The following MAP2K5 variants were observed in gnomAD, a reference collection of about 807,000 sequenced individuals.
MAP2K5 encodes the protein dual specificity mitogen-activated protein kinase kinase 5.
MAP2K5 carries 49 observed loss-of-function variants against 83.1 expected under a neutral mutation model. The ratio of observed to expected loss-of-function variants is 0.59; its 90% CI spans 0.47 to 0.75. MAP2K5 has a LOEUF of 0.75. Ranked by LOEUF, MAP2K5 falls within the 30% of genes least tolerant of loss-of-function variation. The pLI is 0.00. For synonymous variants in MAP2K5, 202 were observed against 191.8 expected (o/e 1.05, Z -0.44); for missense variants, 457 against 557.5 (o/e 0.82, Z 1.82).
Position 67,563,285 on chromosome 15 carries a change from G to A in MAP2K5, c.187G>A (p.Glu63Lys). Residue 63 changes from glutamate (E) to lysine (K), a missense_variant and splice_region_variant, in exon 3 of 22, where the codon GAA becomes AAA. This residue lies in a region of MAP2K5 where 234 missense variants were observed against 243.6 expected (regional missense o/e 0.96). Coordinates refer to ENST00000178640, the MANE Select transcript of MAP2K5 (RefSeq NM_145160.3). The surrounding 1 kb of genome is among the most constrained non-coding windows in gnomAD (Gnocchi z 4.5). ...TTGCATTATGTGCTTTTAAACAGAT[G>A]AAGATGAAGATGGTGATCGAATTAC... ...PEATTTAFEYEDEDGDRITVR... is the reference protein window; with the variant it reads ...PEATTTAFEYKDEDGDRITVR... The A allele has an allele frequency of 1.9e-6, 3 of 1,610,364 alleles. No individual in the cohort carries two copies. The highest frequency in any genetic ancestry group is 2.5e-6 in the Non-Finnish European group (3 of 1,178,588).
chr15:67,687,035 C>T (rs901776738), intron 13 of MAP2K5, among the ~76,000 whole-genome samples: 2 of 152,064 alleles, frequency 1.3e-5, no homozygotes, highest in Admixed American at 6.6e-5. Flanking sequence ...GTATCTTGAT[C>T]ATGGTGTGGT....
chr15:67,789,427 T>C (rs2090475734), intron 21 of MAP2K5, among the ~76,000 whole-genome samples: 1 of 152,206 alleles, frequency 6.6e-6, no homozygotes, highest in Non-Finnish European at 1.5e-5. Flanking sequence ...GGCAAAATGG[T>C]ATCTAGTTGG....
In MAP2K5 at chr15:67,738,088, G is replaced by A. The variant is rs1255057191; in HGVS notation, c.1074+10143G>A. 2.0e-5 allele frequency among the ~76,000 whole-genome samples: 3 copies of A among 152,068 alleles called. No homozygotes were observed. Among genetic ancestry groups the A allele is most frequent in the African/African-American group, 7.2e-5 (3 of 41,412 alleles). On this transcript the variant is annotated intron_variant, in intron 17 of 21. Coordinates refer to ENST00000178640, the MANE Select transcript of MAP2K5 (RefSeq NM_145160.3). This position sits in a 1 kb window ranked among gnomAD's most constrained non-coding sequence, Gnocchi z 4.1. ...GCTGGTCTCGAACTCCCGACCTCAG[G>A]TGACCTGCCTGCCTCAGCCTCCCAG...
intron 16 of MAP2K5, among the ~76,000 whole-genome samples, chr15:67,709,805 C>T (rs1166903324): frequency 1.3e-5 from 2 of 152,172 alleles, no homozygotes; most frequent in African/African-American, 4.8e-5. Context: ...AAAAATAAGT[C>T]AACATACATT....
chr15:67,804,532 G>A (rs980916329), intron 21 of MAP2K5, among the ~76,000 whole-genome samples: 1 of 152,236 alleles, frequency 6.6e-6, no homozygotes, highest in Non-Finnish European at 1.5e-5. Flanking sequence ...CTCGCCTACC[G>A]GGGCACTTGG....
intron 12 of MAP2K5, among the ~76,000 whole-genome samples, chr15:67,659,788 A>C (rs2087191878): frequency 6.6e-6 from 1 of 152,148 alleles, no homozygotes; most frequent in Non-Finnish European, 1.5e-5. Context: ...TTATCTATGG[A>C]ACTTGGCAAA....
intron 1 of MAP2K5, among the ~76,000 whole-genome samples, chr15:67,545,523 A>G (rs994861486): frequency 2.6e-5 from 4 of 152,218 alleles, no homozygotes; most frequent in Non-Finnish European, 5.9e-5. Flanking sequence ...CCTTCCTCAA[A>G]GACTTGGAAA....
intron 16 of MAP2K5, among the ~76,000 whole-genome samples, chr15:67,705,224 T>C (rs1421986251): frequency 1.3e-5 from 2 of 152,218 alleles, no homozygotes; most frequent in Non-Finnish European, 2.9e-5. Flanking sequence ...AAATGTTCAC[T>C]ATTCATCCTT....
intron 21 of MAP2K5, among the ~76,000 whole-genome samples, chr15:67,796,057 G>A (rs1388124518): frequency 6.6e-6 from 1 of 151,870 alleles, no homozygotes; most frequent in Non-Finnish European, 1.5e-5. Context: ...TGCTATGTTT[G>A]ATTATCCTTT....
In MAP2K5 at chr15:67,652,773, C is replaced by T. The variant is rs1178406855; in HGVS notation, c.737-5780C>T. The stretch of plus-strand genomic sequence containing the variant: ...GTCTTGCAAAACTGAAACTCTATAC[C>T]TATTAAATAAGAACTCCTCATTCAC... On this transcript the variant is annotated intron_variant, in intron 11 of 21. Transcript: ENST00000178640. This position sits in a 1 kb window ranked among gnomAD's most constrained non-coding sequence, Gnocchi z 4.2. Among the ~76,000 whole-genome samples the T allele has an allele frequency of 6.6e-6, 1 of 152,114 alleles. No individual in the cohort carries two copies. Among genetic ancestry groups the T allele is most frequent in the Non-Finnish European group, 1.5e-5 (1 of 68,024 alleles).
rs2087352999 is a variant in MAP2K5, at chr15:67,665,504, T to C, written c.847+859T>C. ...GTGACTAAAGGAAAGTTTTTTCTTT[T>C]AAGGATATAAACTGTGAGATGGAGA... On this transcript the variant is annotated intron_variant, in intron 13 of 21. Transcript: ENST00000178640. The surrounding 1 kb of genome is among the most constrained non-coding windows in gnomAD (Gnocchi z 4.2). Among the ~76,000 whole-genome samples the C allele has an allele frequency of 1.3e-5, 2 of 152,202 alleles. No homozygotes were observed. The highest frequency in any genetic ancestry group is 6.5e-5 in the Admixed American group (1 of 15,276).
chr15:67,600,845 C>A lies in MAP2K5; in HGVS notation c.545+96C>A, dbSNP rs1167407345. On this transcript the variant is annotated intron_variant, in intron 8 of 21. Transcript: ENST00000178640. ...AAAGATTTTTAAATGACCACTAACACTTAGATTTTATTTCCATATTTGACT... is the reference window on the plus strand; with the variant it reads ...AAAGATTTTTAAATGACCACTAACAATTAGATTTTATTTCCATATTTGACT... 26 of 826,238 alleles carry A rather than the reference C, an allele frequency of 3.1e-5. No individual in the cohort carries two copies. The East Asian group carries it at 7.0e-4, about 22-fold the overall frequency. 51.2% of individuals were successfully genotyped at this position (826,238 alleles called of 1,614,324 possible).
At chr15:67,590,440 T>TCC (rs2085377176) in intron 6 of MAP2K5, among the ~76,000 whole-genome samples, 2 of 50,718 alleles carry the variant, frequency 3.9e-5, no homozygotes, top group African/African-American at 1.7e-4. Flanking sequence ...TCTCTCTCCC[T>TCC]CCCTCCCTCT....
rs534782724 is a variant in MAP2K5 at position 67,794,236 on chromosome 15, C to T, written c.1243-12410C>T. On this transcript the variant is annotated intron_variant, in intron 21 of 21. Transcript: ENST00000178640. The surrounding 1 kb of genome is among the most constrained non-coding windows in gnomAD (Gnocchi z 4.6). ...TACATTTAATTTTCTTCAACATTAC[C>T]TTGGAAACCACAGTAAATCAATAAC... 6.6e-6 allele frequency among the ~76,000 whole-genome samples: 1 copy of T among 152,286 alleles called. No individual in the cohort carries two copies. Among genetic ancestry groups the T allele is most frequent in the East Asian group, 1.9e-4 (1 of 5,188 alleles).
intron 8 of MAP2K5, among the ~76,000 whole-genome samples, chr15:67,607,066 A>G (rs888331622): frequency 1.3e-5 from 2 of 152,202 alleles, no homozygotes; most frequent in African/African-American, 2.4e-5. Context: ...CTTGTAAATT[A>G]AGAGTAGTTT....
Position 67,543,039 on chromosome 15 carries a change from T to C in MAP2K5, c.-297T>C. The C allele has an allele frequency of 2.3e-6, 1 of 442,136 alleles. No homozygotes were observed. The highest frequency in any genetic ancestry group is 2.6e-5 in the South Asian group (1 of 38,450). 27.4% of individuals were successfully genotyped at this position (442,136 alleles called of 1,614,324 possible). A position where few individuals can be genotyped will look rare whatever the true frequency, so the allele number is the denominator to read the frequency against. Reference sequence around the variant, plus strand: ...CACACGGCGGCAGAGACCTTCACCATAGCGTTCGCTCAACTCCAGAACCTT... The same window carrying C: ...CACACGGCGGCAGAGACCTTCACCACAGCGTTCGCTCAACTCCAGAACCTT... On this transcript the variant is annotated 5_prime_UTR_variant, in exon 1 of 22. Transcript: ENST00000178640. This position sits in a 1 kb window ranked among gnomAD's most constrained non-coding sequence, Gnocchi z 4.3.
rs566557236 is a variant in MAP2K5, at chr15:67,628,002, A to G, written c.546-2886A>G. On this transcript the variant is annotated intron_variant, in intron 8 of 21. Transcript: ENST00000178640. ...TGTGGTAATGAGAGATCCAAGCACC[A>G]AGTGCTCCTGGGGCTTTGGGTTTGT... The G allele has an allele frequency of 1.4e-5, 10 of 739,792 alleles. 1 individual carries two copies. Among genetic ancestry groups the G allele is most frequent in the South Asian group, 1.2e-4 (9 of 74,298 alleles). 45.8% of individuals were successfully genotyped at this position (739,792 alleles called of 1,614,324 possible).
chr15:67,608,542 G>T (rs1053319826), intron 8 of MAP2K5, among the ~76,000 whole-genome samples: 3 of 152,222 alleles, frequency 2.0e-5, no homozygotes, highest in Admixed American at 1.3e-4. Context: ...GATCTGGGGG[G>T]CTGAGGAAGA....
At chr15:67,666,231 TG>T (rs1452646715) in intron 13 of MAP2K5, among the ~76,000 whole-genome samples, 3 of 152,302 alleles carry the variant, frequency 2.0e-5, no homozygotes, top group Non-Finnish European at 4.4e-5. Context: ...TATAACTTTG[TG>T]CAAGGAATCT....
Sources: gnomAD v4.1 joint callset for allele counts (sites outside exome capture counted in the v4.1 genomes callset) on GRCh38, gnomAD v4.1.1 for gene constraint, gnomAD v4.1.1 regional missense constraint, Gnocchi (gnomAD v3.1) non-coding constraint, MANE v1.5 for transcripts, NCBI Gene and HGNC (gene_info 2026-07-23, HGNC 2026-07-21) for gene names.